Variants in KRTAP4-11 observed in about 807,000 individuals in gnomAD.
The protein encoded by KRTAP4-11 is keratin associated protein 4-11, also known as keratin-associated protein 4-11.
KRTAP4-11 carries 3 observed loss-of-function variants against 3.4 expected under a neutral mutation model. The observed-to-expected ratio is 0.87, with a 90% CI of 0.40 to 2.26. KRTAP4-11 has a LOEUF of 2.26. Ranked by LOEUF, KRTAP4-11 falls within the 30% of genes most tolerant of loss-of-function variation. The probability of loss-of-function intolerance (pLI) is 0.05; values close to 1 mark genes in which losing one functional copy is unlikely to be tolerated. For synonymous variants in KRTAP4-11, 94 were observed against 89.4 expected (o/e 1.05, Z -0.29); for missense variants, 248 against 258.8 (o/e 0.96, Z 0.29).
Position 41,117,624 on chromosome 17 carries a change from T to C in KRTAP4-11, c.*104A>G. 6.8e-7 allele frequency: 1 copy of C among 1,464,388 alleles called. No homozygotes were observed. The highest frequency in any genetic ancestry group is 1.4e-5 in the South Asian group (1 of 70,892). The allele number at this position is 1,464,388 out of a possible 1,614,324, so 90.7% of individuals were successfully genotyped here. On this transcript the variant is annotated 3_prime_UTR_variant, in exon 1 of 1. Coordinates refer to ENST00000391413, the MANE Select transcript of KRTAP4-11 (RefSeq NM_033059.4). The stretch of plus-strand genomic sequence containing the variant: ...ATTGGAAACATGAAGTCCACCCTGC[T>C]GAATGACATCAATCCCACTCCATGT...
chr17:41,117,594 G>C lies in KRTAP4-11; in HGVS notation c.*134C>G. 7.3e-7 allele frequency: 1 copy of C among 1,365,838 alleles called. No homozygotes were observed. The highest frequency in any genetic ancestry group is 9.8e-7 in the Non-Finnish European group (1 of 1,018,204). The allele number at this position is 1,365,838 out of a possible 1,614,324, so 84.6% of individuals were successfully genotyped here. On this transcript the variant is annotated 3_prime_UTR_variant, in exon 1 of 1. Coordinates refer to ENST00000391413, the MANE Select transcript of KRTAP4-11 (RefSeq NM_033059.4). ...TCACAGAGTCAGTGGGATGGTGATG[G>C]GCTCATTGGAAACATGAAGTCCACC...
chr17:41,117,754 A>C lies in KRTAP4-11; in HGVS notation c.562T>G (p.Leu188Val), dbSNP rs140898464. Residue 188 changes from leucine to valine, a missense_variant, in exon 1 of 1, where the codon TTG becomes GTG. Leu to Val is a conservative substitution (Grantham distance 32). Around this residue, in one of 3 missense-constraint regions of KRTAP4-11, gnomAD observed 131 missense variants for 130.2 expected, o/e 1.01. Coordinates refer to ENST00000391413, the MANE Select transcript of KRTAP4-11 (RefSeq NM_033059.4). ...TCVISSCPRP[L>V]CCASSCC is the part of the protein sequence containing the mutation. ...CAGCAGCAAGAGGAGGCACAGCACAAGGGGCGGGGGCAGCTGGAGATGACA... is the reference window on the plus strand; with the variant it reads ...CAGCAGCAAGAGGAGGCACAGCACACGGGGCGGGGGCAGCTGGAGATGACA... 35,381 of 1,534,320 alleles carry C rather than the reference A, an allele frequency of 0.023. 1,426 individuals are homozygous for C. Among genetic ancestry groups the C allele is most frequent in the East Asian group, 0.16 (6,905 of 42,252 alleles).
Position 41,117,704 on chromosome 17 carries a change from G to C in KRTAP4-11, c.*24C>G, listed in dbSNP as rs1242644011. 1.9e-6 allele frequency: 3 copies of C among 1,558,256 alleles called. No individual in the cohort carries two copies. The highest frequency in any genetic ancestry group is 1.9e-5 in the Admixed American group (1 of 51,618). ...TACAACTGTGGGCCTGCAGTGAAGGGAGAGATGAGCCAGGGCAGTGGGCTC... is the reference window on the plus strand; with the variant it reads ...TACAACTGTGGGCCTGCAGTGAAGGCAGAGATGAGCCAGGGCAGTGGGCTC... On this transcript the variant is annotated 3_prime_UTR_variant, in exon 1 of 1. Coordinates refer to ENST00000391413, the MANE Select transcript of KRTAP4-11 (RefSeq NM_033059.4).
At position 41,118,324 on chromosome 17, in the gene KRTAP4-11, A is replaced by G; in HGVS notation, c.-9T>C. 1.9e-6 allele frequency: 3 copies of G among 1,588,068 alleles called. No homozygotes were observed. Among genetic ancestry groups the G allele is most frequent in the Non-Finnish European group, 2.6e-6 (3 of 1,166,130 alleles). ...CAACAGGAGTTTACCATGGTGTCAG[A>G]GGGTGAAGGATCTAGTTGGGTTTCT... On this transcript the variant is annotated 5_prime_UTR_variant, in exon 1 of 1. Coordinates refer to ENST00000391413, the MANE Select transcript of KRTAP4-11 (RefSeq NM_033059.4).
In KRTAP4-11 at chr17:41,117,372, A is replaced by G. The variant is rs1022717342; in HGVS notation, c.*356T>C. 3.0e-6 allele frequency: 1 copy of G among 332,852 alleles called. No homozygotes were observed. The highest frequency in any genetic ancestry group is 2.1e-5 in the African/African-American group (1 of 46,956). The allele number at this position is 332,852 out of a possible 1,614,324, so 20.6% of individuals were successfully genotyped here. On this transcript the variant is annotated 3_prime_UTR_variant, in exon 1 of 1. Transcript: ENST00000391413. Reference sequence around the variant, plus strand: ...GAATGACTGAAAGGCTGACAGACAAATAATATGTTTGAAATGGAGATAATG... The same window carrying G: ...GAATGACTGAAAGGCTGACAGACAAGTAATATGTTTGAAATGGAGATAATG...
chr17:41,117,831 C>A lies in KRTAP4-11; in HGVS notation c.485G>T (p.Arg162Leu). The A allele has an allele frequency of 6.2e-7, 1 of 1,606,110 alleles. No individual in the cohort carries two copies. The highest frequency in any genetic ancestry group is 8.5e-7 in the Non-Finnish European group (1 of 1,176,760). The change falls in exon 1 of 1, where the codon CGT becomes CTT. Residue 162 changes from arginine (R) to leucine (L), a missense_variant. Transcript: ENST00000391413. ...SSCCRPCCCL[R>L]PVCGRVSCHT... is the part of the protein sequence containing the mutation. ...GCAGGAGACTCGGCCACAGACTGGA[C>A]GCAGGCAGCAGCAGGGGCGGCAGCA...
At position 41,117,572 on chromosome 17, in the gene KRTAP4-11, C is replaced by T; in HGVS notation, c.*156G>A. ...TTTAAAATGAACCAGAATGTTCTCA[C>T]AGAGTCAGTGGGATGGTGATGGGCT... On this transcript the variant is annotated 3_prime_UTR_variant, in exon 1 of 1. Transcript: ENST00000391413. 1 of 1,226,596 alleles carries T rather than the reference C, an allele frequency of 8.2e-7. No individual in the cohort carries two copies. The highest frequency in any genetic ancestry group is 1.6e-5 in the South Asian group (1 of 60,812). 76.0% of individuals were successfully genotyped at this position (1,226,596 alleles called of 1,614,324 possible). A position where few individuals can be genotyped will look rare whatever the true frequency, so the allele number is the denominator to read the frequency against.
rs560847886 is a variant in KRTAP4-11 at position 41,118,355 on chromosome 17, A to G, written c.-40T>C. 8 of 1,550,246 alleles carry G rather than the reference A, an allele frequency of 5.2e-6. No individual in the cohort carries two copies. The East Asian group carries it at 1.8e-4, about 35-fold the overall frequency. The stretch of plus-strand genomic sequence containing the variant: ...AAGGATCTAGTTGGGTTTCTAGGAG[A>G]GTGAAGTTCTTGTGTTTGGAAGTCT... On this transcript the variant is annotated 5_prime_UTR_variant, in exon 1 of 1. Coordinates refer to ENST00000391413, the MANE Select transcript of KRTAP4-11 (RefSeq NM_033059.4).
In KRTAP4-11 at chr17:41,117,688, G is replaced by A. The variant is rs761429264; in HGVS notation, c.*40C>T. The A allele has an allele frequency of 1.9e-5, 29 of 1,543,964 alleles. No individual in the cohort carries two copies. The highest frequency in any genetic ancestry group is 2.4e-5 in the Non-Finnish European group (27 of 1,143,016). On this transcript the variant is annotated 3_prime_UTR_variant, in exon 1 of 1. Coordinates refer to ENST00000391413, the MANE Select transcript of KRTAP4-11 (RefSeq NM_033059.4). ...GCACAGAAGAATGGTCTACAACTGT[G>A]GGCCTGCAGTGAAGGGAGAGATGAG...
Position 41,117,925 on chromosome 17 carries a change from G to A in KRTAP4-11, c.391C>T (p.Gln131Ter), listed in dbSNP as rs759857035. Residue 131 changes from glutamine to a stop codon, truncating the protein, a stop_gained, in exon 1 of 1, where the codon CAG (glutamine) becomes TAG (stop). Coordinates refer to ENST00000391413, the MANE Select transcript of KRTAP4-11 (RefSeq NM_033059.4). LOFTEE classifies it high-confidence loss of function. ...CAGCTGGGGTGGCAGCAGGTGGGCTGGCAGCACACAGACTGGCAGCACTGG... is the reference window on the plus strand; with the variant it reads ...CAGCTGGGGTGGCAGCAGGTGGGCTAGCAGCACACAGACTGGCAGCACTGG... ...RPQCCQSVCC[Q>*]PTCCHPSCSI... 3.1e-6 allele frequency: 5 copies of A among 1,600,534 alleles called. No individual in the cohort carries two copies. Among genetic ancestry groups the A allele is most frequent in the Non-Finnish European group, 1.7e-6 (2 of 1,173,514 alleles).
In KRTAP4-11 at chr17:41,117,937, A is replaced by G. The variant is rs555045747; in HGVS notation, c.379T>C (p.Ser127Pro). ...SSCCRPQCCQ[S>P]VCCQPTCCHP... is the part of the protein sequence containing the mutation. ...CAGCAGGTGGGCTGGCAGCACACAG[A>G]CTGGCAGCACTGGGGTCTGCAGCAG... is the stretch of plus-strand genomic sequence containing the variant. Residue 127 changes from serine (S) to proline (P), a missense_variant, in exon 1 of 1, where the codon TCT becomes CCT. Transcript: ENST00000391413. 1 of 1,552,244 alleles carries G rather than the reference A, an allele frequency of 6.4e-7. No individual in the cohort carries two copies. Among genetic ancestry groups the G allele is most frequent in the Non-Finnish European group, 8.7e-7 (1 of 1,144,874 alleles).
At position 41,118,081 on chromosome 17, in the gene KRTAP4-11, A is replaced by T. The variant is rs2014321602; in HGVS notation, c.235T>A (p.Cys79Ser). Residue 79 changes from cysteine (C) to serine (S), a missense_variant, in exon 1 of 1, where the codon TGC becomes AGC. Transcript: ENST00000391413. ...CCISSCCRPS[C>S]CVSSCCKPQC... Reference sequence around the variant, plus strand: ...GGCTTGCAGCAGCTGGACACACAGCAGCTGGGGCGACAGCAGCTGGAGATG... The same window carrying T: ...GGCTTGCAGCAGCTGGACACACAGCTGCTGGGGCGACAGCAGCTGGAGATG... 6.3e-7 allele frequency: 1 copy of T among 1,583,346 alleles called. No individual in the cohort carries two copies. The highest frequency in any genetic ancestry group is 8.6e-7 in the Non-Finnish European group (1 of 1,166,166).
chr17:41,118,178 C>T lies in KRTAP4-11; in HGVS notation c.138G>A (p.Val46=), dbSNP rs775052734. 49 of 1,611,038 alleles carry T rather than the reference C, an allele frequency of 3.0e-5. No individual in the cohort carries two copies. The Middle Eastern group carries it at 1.6e-3, about 54-fold the overall frequency. Residue 46 remains valine (V), a synonymous_variant, in exon 1 of 1, where the codon GTG becomes GTA. Transcript: ENST00000391413. ...AGCACTGGGGCCTGCAGCAGCTGGA[C>T]ACACAGCAGCTGGGGCGACAGTAGG... The part of the protein sequence containing the change: ...RTTYCRPSCC[V]SSCCRPQCCQ...
Position 41,117,710 on chromosome 17 carries a change from TG to T in KRTAP4-11, c.*17del, listed in dbSNP as rs2014307028. 6 of 1,561,920 alleles carry T rather than the reference TG, an allele frequency of 3.8e-6. No homozygotes were observed. Among genetic ancestry groups the T allele is most frequent in the Non-Finnish European group, 5.2e-6 (6 of 1,152,856 alleles). Reference sequence around the variant, plus strand: ...TGTGGGCCTGCAGTGAAGGGAGAGATGAGCCAGGGCAGTGGGCTCAGCAGCA... The same window carrying T: ...TGTGGGCCTGCAGTGAAGGGAGAGATAGCCAGGGCAGTGGGCTCAGCAGCA... On this transcript the variant is annotated 3_prime_UTR_variant, in exon 1 of 1. Coordinates refer to ENST00000391413, the MANE Select transcript of KRTAP4-11 (RefSeq NM_033059.4).
chr17:41,117,376 T>C lies in KRTAP4-11; in HGVS notation c.*352A>G, dbSNP rs2014299362. The C allele has an allele frequency of 3.0e-6, 1 of 337,658 alleles. No homozygotes were observed. Among genetic ancestry groups the C allele is most frequent in the South Asian group, 7.6e-5 (1 of 13,122 alleles). 20.9% of individuals were successfully genotyped at this position (337,658 alleles called of 1,614,324 possible). A position where few individuals can be genotyped will look rare whatever the true frequency, so the allele number is the denominator to read the frequency against. On this transcript the variant is annotated 3_prime_UTR_variant, in exon 1 of 1. Coordinates refer to ENST00000391413, the MANE Select transcript of KRTAP4-11 (RefSeq NM_033059.4). Reference sequence around the variant, plus strand: ...GACTGAAAGGCTGACAGACAAATAATATGTTTGAAATGGAGATAATGTGTA... The same window carrying C: ...GACTGAAAGGCTGACAGACAAATAACATGTTTGAAATGGAGATAATGTGTA...
Position 41,117,590 on chromosome 17 carries a change from G to A in KRTAP4-11, c.*138C>T. 2 of 1,350,722 alleles carry A rather than the reference G, an allele frequency of 1.5e-6. No individual in the cohort carries two copies. Among genetic ancestry groups the A allele is most frequent in the Non-Finnish European group, 2.0e-6 (2 of 1,004,518 alleles). The allele number at this position is 1,350,722 out of a possible 1,614,324, so 83.7% of individuals were successfully genotyped here. On this transcript the variant is annotated 3_prime_UTR_variant, in exon 1 of 1. Transcript: ENST00000391413. ...GTTCTCACAGAGTCAGTGGGATGGT[G>A]ATGGGCTCATTGGAAACATGAAGTC...
Position 41,118,253 on chromosome 17 carries a change from C to T in KRTAP4-11, c.63G>A (p.Gln21=). The part of the protein sequence containing the change: ...SHQGCGRDLC[Q]ETCCRPSCCE... ...AGCAGCTGGGGCGGCAGCAGGTCTC[C>T]TGGCAGAGGTCTCGGCCACAGCCTT... The change falls in exon 1 of 1, where the codon CAG becomes CAA. Residue 21 remains glutamine, a synonymous_variant. Transcript: ENST00000391413. The T allele has an allele frequency of 6.2e-7, 1 of 1,613,574 alleles. No homozygotes were observed. The highest frequency in any genetic ancestry group is 8.5e-7 in the Non-Finnish European group (1 of 1,179,888).
At position 41,117,876 on chromosome 17, in the gene KRTAP4-11, G is replaced by A. The variant is rs754135599; in HGVS notation, c.440C>T (p.Pro147Leu). The stretch of plus-strand genomic sequence containing the variant: ...GCAGCAGCTGGATTCACAGCAAGAG[G>A]GGCGGCAGCAGCTGGAGATGCTGCA... ...PSCSISSCCR[P>L]SCCESSCCRP... Residue 147 changes from proline to leucine, a missense_variant, in exon 1 of 1, where the codon CCC (proline) becomes CTC (leucine). Pro to Leu is a moderately conservative substitution (Grantham distance 98). This residue lies in a region of KRTAP4-11 where 131 missense variants were observed against 130.2 expected (regional missense o/e 1.01). Transcript: ENST00000391413. 5.6e-6 allele frequency: 9 copies of A among 1,611,608 alleles called. 1 individual carries two copies. The Middle Eastern group carries it at 5.1e-4, about 91-fold the overall frequency.
chr17:41,117,739 A>C lies in KRTAP4-11; in HGVS notation c.577T>G (p.Ser193Ala). The C allele has an allele frequency of 1.3e-6, 2 of 1,582,192 alleles. No individual in the cohort carries two copies. Among genetic ancestry groups the C allele is most frequent in the South Asian group, 2.3e-5 (2 of 87,106 alleles). Residue 193 changes from serine to alanine, a missense_variant, in exon 1 of 1, where the codon TCT becomes GCT. This residue lies in a region of KRTAP4-11 where 131 missense variants were observed against 130.2 expected (regional missense o/e 1.01). Transcript: ENST00000391413. Reference sequence around the variant, plus strand: ...CCAGGGCAGTGGGCTCAGCAGCAAGAGGAGGCACAGCACAAGGGGCGGGGG... The same window carrying C: ...CCAGGGCAGTGGGCTCAGCAGCAAGCGGAGGCACAGCACAAGGGGCGGGGG... Reference protein sequence around the residue: ...SCPRPLCCASSCC With the variant: ...SCPRPLCCASACC
Sources: gnomAD v4.1 joint callset for allele counts on GRCh38, gnomAD v4.1.1 for gene constraint, gnomAD v4.1.1 regional missense constraint, MANE v1.5 for transcripts, NCBI Gene and HGNC (gene_info 2026-07-23, HGNC 2026-07-21) for gene names.